Variants in GPC6 observed in about 807,000 individuals in gnomAD.
GPC6 encodes the protein glypican 6.
A neutral mutation model predicts 55.2 loss-of-function variants in GPC6; 14 were observed. That is an observed-to-expected ratio of 0.25 (90% CI 0.17 to 0.40). The LOEUF is 0.40. Among genes scored for constraint, GPC6 ranks in the 10% least tolerant of loss-of-function variants. The pLI, the probability that GPC6 is intolerant of heterozygous loss-of-function variation, is 1.00. For missense variants in GPC6, 641 were observed against 708.5 expected (o/e 0.90, Z 1.08); for synonymous variants, 278 against 259.6 (o/e 1.07, Z -0.68).
chr13:93,512,510 C>A (rs1200385367), intron 1 of GPC6, among the ~76,000 whole-genome samples: 1 of 152,052 alleles, frequency 6.6e-6, no homozygotes, highest in Non-Finnish European at 1.5e-5. Flanking sequence ...TGCTATAAAT[C>A]CTACTTGATC....
chr13:93,725,994 G>A (rs1464333877), intron 2 of GPC6, among the ~76,000 whole-genome samples: 1 of 151,906 alleles, frequency 6.6e-6, no homozygotes, highest in Non-Finnish European at 1.5e-5. Flanking sequence ...TGAAAATGTA[G>A]TGGCCCAATT....
chr13:94,153,350 A>G (rs1887811568), intron 4 of GPC6, among the ~76,000 whole-genome samples: 1 of 152,196 alleles, frequency 6.6e-6, no homozygotes, highest in Non-Finnish European at 1.5e-5. Context: ...TAAAAGGCCA[A>G]AGCAAAGCTC....
chr13:93,362,354 A>C (rs1228699995), intron 1 of GPC6, among the ~76,000 whole-genome samples: 1 of 152,096 alleles, frequency 6.6e-6, no homozygotes, highest in Non-Finnish European at 1.5e-5. Flanking sequence ...GATCCATTTT[A>C]CCATCTCCTT....
intron 2 of GPC6, among the ~76,000 whole-genome samples, chr13:93,647,710 A>G (rs1880231238): frequency 6.6e-6 from 1 of 152,152 alleles, no homozygotes; most frequent in Admixed American, 6.5e-5. Flanking sequence ...ACTTCAAATG[A>G]CAAATCTTTC....
intron 4 of GPC6, among the ~76,000 whole-genome samples, chr13:94,166,303 A>T (rs1888366614): frequency 6.6e-6 from 1 of 152,248 alleles, no homozygotes; most frequent in Admixed American, 6.5e-5. Context: ...TCAGAATTTT[A>T]AAAAATGTTC....
chr13:93,502,447 C>T (rs1880558921), intron 1 of GPC6, among the ~76,000 whole-genome samples: 1 of 152,078 alleles, frequency 6.6e-6, no homozygotes, highest in South Asian at 2.1e-4. Flanking sequence ...TACATCTATA[C>T]CCAACCTGTG....
At chr13:94,075,638 G>A (rs547344061) in intron 4 of GPC6, among the ~76,000 whole-genome samples, 13 of 152,134 alleles carry the variant, frequency 8.5e-5, no homozygotes, top group African/African-American at 2.4e-4. Context: ...CTTGGCAACC[G>A]CCATTCATTC....
chr13:93,474,392 T>TA (rs774126061), intron 1 of GPC6, among the ~76,000 whole-genome samples: 2 of 152,168 alleles, frequency 1.3e-5, no homozygotes, highest in Non-Finnish European at 2.9e-5. Flanking sequence ...TGTTTGTGGT[T>TA]ACTTTCTCAA....
chr13:93,671,632 G>GT (rs909762462), intron 2 of GPC6, among the ~76,000 whole-genome samples: 7 of 151,784 alleles, frequency 4.6e-5, no homozygotes, highest in African/African-American at 1.2e-4. Flanking sequence ...GGGTTCTCTG[G>GT]TTTTTTTAGG....
At chr13:93,330,683 A>G (rs1360069904) in intron 1 of GPC6, among the ~76,000 whole-genome samples, 1 of 152,126 alleles carries the variant, frequency 6.6e-6, no homozygotes, top group Admixed American at 6.6e-5. Context: ...TTTCTTCCCA[A>G]CAGTGGCTGA....
At chr13:94,329,477 C>T (rs1043453457) in intron 6 of GPC6, among the ~76,000 whole-genome samples, 3 of 152,164 alleles carry the variant, frequency 2.0e-5, no homozygotes, top group African/African-American at 4.8e-5. Context: ...AAGAGAATCA[C>T]GCTTTCATTT....
At chr13:93,766,415 A>T (rs2138885474) in intron 2 of GPC6, among the ~76,000 whole-genome samples, 1 of 152,288 alleles carries the variant, frequency 6.6e-6, no homozygotes, top group Non-Finnish European at 1.5e-5. Flanking sequence ...TCTGCTGAAT[A>T]GCATTGTGCC....
intron 3 of GPC6, among the ~76,000 whole-genome samples, chr13:93,880,829 A>G (rs1380369324): frequency 1.3e-5 from 2 of 151,860 alleles, no homozygotes; most frequent in Non-Finnish European, 2.9e-5. Flanking sequence ...TCACAGAGTG[A>G]TTACCCAATT....
chr13:94,013,644 CT>C (rs973898441), intron 3 of GPC6, among the ~76,000 whole-genome samples: 2 of 152,190 alleles, frequency 1.3e-5, no homozygotes, highest in African/African-American at 4.8e-5. Flanking sequence ...GTCACTGTGC[CT>C]AGCCTTATGT....
At chr13:93,607,640 C>T (rs1306735595) in intron 2 of GPC6, among the ~76,000 whole-genome samples, 6 of 152,114 alleles carry the variant, frequency 3.9e-5, no homozygotes, top group Admixed American at 6.6e-5. Flanking sequence ...AGGTTTAATG[C>T]CTGTTGCAGT....
chr13:93,273,224 A>T (rs987160244), intron 1 of GPC6, among the ~76,000 whole-genome samples: 3 of 147,526 alleles, frequency 2.0e-5, no homozygotes, highest in South Asian at 2.2e-4. Context: ...TCTTATCTAA[A>T]TCATATCTAG....
chr13:93,534,428 C>T lies in GPC6; in HGVS notation c.161-10835C>T, dbSNP rs189156297. Among the ~76,000 whole-genome samples, 34 of 152,264 alleles carry T rather than the reference C, an allele frequency of 2.2e-4. No homozygotes were observed. The South Asian group carries it at 3.9e-3, about 18-fold the overall frequency. On this transcript the variant is annotated intron_variant, in intron 1 of 8. Transcript: ENST00000377047. The stretch of plus-strand genomic sequence containing the variant: ...TTGTCTGTTTGTTTGGGATGTGCAT[C>T]GCAAGGTCCCTGAGTGTCACTTCTG...
intron 3 of GPC6, among the ~76,000 whole-genome samples, chr13:93,984,206 G>T (rs1880924517): frequency 1.3e-5 from 2 of 152,030 alleles, no homozygotes; most frequent in South Asian, 4.1e-4. Context: ...AATCCCAAAT[G>T]CACATCATCA....
At chr13:94,131,237 G>A (rs889108473) in intron 4 of GPC6, among the ~76,000 whole-genome samples, 10 of 152,022 alleles carry the variant, frequency 6.6e-5, no homozygotes, top group East Asian at 1.9e-4. Context: ...CTGGAATGCC[G>A]AAAACCTCTT....
Sources: gnomAD v4.1 joint callset for allele counts (sites outside exome capture counted in the v4.1 genomes callset) on GRCh38, gnomAD v4.1.1 for gene constraint, MANE v1.5 for transcripts, NCBI Gene and HGNC (gene_info 2026-07-23, HGNC 2026-07-21) for gene names.